RC3H1: variants seen among roughly 807,000 people sequenced by gnomAD.
The protein encoded by RC3H1 is ring finger and CCCH-type domains 1.
Under a neutral mutation model 138.2 loss-of-function variants are expected in RC3H1, and 50 were observed. The observed-to-expected ratio is 0.36, with a 90% CI of 0.29 to 0.46. RC3H1 has a LOEUF of 0.46. RC3H1 is among the 20% of genes least tolerant of loss of function. RC3H1 has a pLI of 1.00. For synonymous variants in RC3H1, 462 were observed against 489.1 expected, an observed-to-expected ratio of 0.94 and a Z score of 0.73; for missense variants, 1,031 against 1,388.1, an observed-to-expected ratio of 0.74 and a Z score of 4.09.
At chr1:173,998,009 C>G (rs1419219070) in intron 1 of RC3H1, among the ~76,000 whole-genome samples, 3 of 151,990 alleles carry the variant, frequency 2.0e-5, no homozygotes, top group African/African-American at 7.3e-5. Context: ...GTATCTAAAC[C>G]ACAAAAGACA....
At chr1:173,948,316 TTC>T (rs1164962794) in intron 14 of RC3H1, among the ~76,000 whole-genome samples, 1 of 152,144 alleles carries the variant, frequency 6.6e-6, no homozygotes, top group Non-Finnish European at 1.5e-5. Flanking sequence ...TTTGTTCCTT[TTC>T]TCTGTTTAGC....
At position 173,941,286 on chromosome 1, in the gene RC3H1, T is replaced by A; in HGVS notation, c.3230A>T (p.Glu1077Val). ...QPEPQNKVPA[E>V]DLTLTFSDVP... The stretch of plus-strand genomic sequence containing the variant: ...TTACCTGAATGTCAATGTAAGGTCC[T>A]CAGCCGGAACCTTGTTTTGTGGTTC... Residue 1077 changes from glutamate to valine, a missense_variant, in exon 19 of 20, where the codon GAG (glutamate) becomes GTG (valine). Transcript: ENST00000367696. The A allele has an allele frequency of 6.2e-7, 1 of 1,612,882 alleles. No individual in the cohort carries two copies. The highest frequency in any genetic ancestry group is 1.1e-5 in the South Asian group (1 of 91,040).
In RC3H1 at chr1:173,970,540, G is replaced by A; in HGVS notation, c.1299C>T (p.Ser433=). 6.2e-7 allele frequency: 1 copy of A among 1,613,748 alleles called. No individual in the cohort carries two copies. The highest frequency in any genetic ancestry group is 8.5e-7 in the Non-Finnish European group (1 of 1,179,782). The change falls in exon 9 of 20, where the codon AGC becomes AGT. Residue 433 remains serine (S), a synonymous_variant. Coordinates refer to ENST00000367696, the MANE Select transcript of RC3H1 (RefSeq NM_172071.4). ...CCTCCTGTGAGTGTGCAAATGTACA[G>A]CTGGCCCCACGAGGGCATCCTCCTC... ...KQRGGCPRGA[S]CTFAHSQEEL... is the part of the protein sequence containing the mutation.
chr1:173,978,947 A>G (rs924574964), intron 6 of RC3H1, among the ~76,000 whole-genome samples: 4 of 152,152 alleles, frequency 2.6e-5, no homozygotes, highest in African/African-American at 9.7e-5. Flanking sequence ...CCATTAATTT[A>G]CTAGAATTAG....
intron 1 of RC3H1, among the ~76,000 whole-genome samples, chr1:173,993,846 C>A (rs569394722): frequency 6.6e-6 from 1 of 150,836 alleles, no homozygotes. Context: ...ATGGTGAAAC[C>A]CCATGTCCAC....
In RC3H1 at chr1:174,017,783, C is replaced by CAAAAAAAAAAAAAAAA. The variant is rs61239660; in HGVS notation, c.-151+4297_-151+4312dup. Among the ~76,000 whole-genome samples the CAAAAAAAAAAAAAAAA allele has an allele frequency of 5.0e-4, 36 of 72,034 alleles. 3 individuals carry two copies. Among genetic ancestry groups the CAAAAAAAAAAAAAAAA allele is most frequent in the African/African-American group, 1.7e-3 (30 of 17,530 alleles). The allele number at this position is 72,034 out of a possible 152,430, so 47.3% of individuals were successfully genotyped here. On this transcript the variant is annotated intron_variant, in intron 1 of 19. Coordinates refer to ENST00000367696, the MANE Select transcript of RC3H1 (RefSeq NM_172071.4). ...ACCCCTTTAGAACTCTTTTCTTGCT[C>CAAAAAAAAAAAAAAAA]AAAAAAAAAAAAAAAAAAAAAAAAA... is the stretch of plus-strand genomic sequence containing the variant.
intron 19 of RC3H1, among the ~76,000 whole-genome samples, chr1:173,940,483 T>G (rs571325328): frequency 3.3e-5 from 5 of 152,024 alleles, no homozygotes; most frequent in Admixed American, 1.3e-4. Flanking sequence ...AAAAAAAAAC[T>G]GGAAAGATAA....
chr1:173,968,838 T>C (rs1042641782), intron 9 of RC3H1, among the ~76,000 whole-genome samples: 1 of 151,646 alleles, frequency 6.6e-6, no homozygotes, highest in African/African-American at 2.4e-5. Context: ...GGCATTTCTG[T>C]TGTATTAAGG....
At chr1:174,011,790 T>C (rs968155799) in intron 1 of RC3H1, among the ~76,000 whole-genome samples, 1 of 152,164 alleles carries the variant, frequency 6.6e-6, no homozygotes, top group Non-Finnish European at 1.5e-5. Flanking sequence ...GATCAAAGTG[T>C]AGTTTGAATA....
At chr1:173,971,927 T>C (rs535674867) in intron 8 of RC3H1, among the ~76,000 whole-genome samples, 31 of 152,114 alleles carry the variant, frequency 2.0e-4, no homozygotes, top group Non-Finnish European at 4.0e-4. Context: ...ATATAAATCC[T>C]GAGAGCAAAA....
intron 7 of RC3H1, among the ~76,000 whole-genome samples, chr1:173,977,635 TC>T (rs1437167547): frequency 1.3e-5 from 2 of 151,880 alleles, no homozygotes; most frequent in African/African-American, 4.8e-5. Context: ...TATTTGGGAG[TC>T]TGTATTCTAC....
Position 174,021,375 on chromosome 1 carries a change from A to T in RC3H1, c.-151+721T>A, listed in dbSNP as rs139030645. On this transcript the variant is annotated intron_variant, in intron 1 of 19. Transcript: ENST00000367696. ...ATCCACTCTCACCTGGGATGCGGGC[A>T]TAACTGATGTTTATAGAACTGATAC... Among the ~76,000 whole-genome samples, 5 of 152,350 alleles carry T rather than the reference A, an allele frequency of 3.3e-5. No homozygotes were observed. In the East Asian group the frequency reaches 9.6e-4, roughly 29 times the overall value.
intron 1 of RC3H1, among the ~76,000 whole-genome samples, chr1:174,009,648 G>T (rs575161856): frequency 6.6e-5 from 10 of 152,088 alleles, no homozygotes; most frequent in Admixed American, 6.6e-5. Flanking sequence ...AGACCAGCCC[G>T]GCCAACATGG....
chr1:173,986,383 G>A (rs1195428522), intron 2 of RC3H1, among the ~76,000 whole-genome samples: 2 of 149,424 alleles, frequency 1.3e-5, no homozygotes, highest in Admixed American at 6.6e-5. Flanking sequence ...AAAGAGTCTC[G>A]CTCTGTCACT....
At chr1:173,999,603 T>C (rs1661527714) in intron 1 of RC3H1, among the ~76,000 whole-genome samples, 2 of 152,230 alleles carry the variant, frequency 1.3e-5, no homozygotes, top group Non-Finnish European at 2.9e-5. Context: ...AATGAGCAAC[T>C]ACAGACAAAA....
At chr1:173,984,838 C>T (rs1008777188) in intron 2 of RC3H1, among the ~76,000 whole-genome samples, 9 of 152,158 alleles carry the variant, frequency 5.9e-5, no homozygotes, top group African/African-American at 2.2e-4. Flanking sequence ...TACCATACAA[C>T]TGACTGGTTT....
Position 173,932,526 on chromosome 1 carries a change from ATTAATTTTTT to A in RC3H1, c.*6185_*6194del, listed in dbSNP as rs1658422524. 6.6e-6 allele frequency: 1 copy of A among 152,282 alleles called. No homozygotes were observed. The highest frequency in any genetic ancestry group is 6.5e-5 in the Admixed American group (1 of 15,286). The allele number at this position is 152,282 out of a possible 1,614,324, so 9.4% of individuals were successfully genotyped here. A position where few individuals can be genotyped will look rare whatever the true frequency, so the allele number is the denominator to read the frequency against. On this transcript the variant is annotated 3_prime_UTR_variant, in exon 20 of 20. Transcript: ENST00000367696. ...GAAAGATAATGAGACCTGTGGACTA[ATTAATTTTTT>A]TAAAAAAGTTCCTTTTATTCCCAGG...
chr1:173,947,624 C>A lies in RC3H1; in HGVS notation c.2524-42G>T, dbSNP rs377331689. On this transcript the variant is annotated intron_variant, in intron 14 of 19. Coordinates refer to ENST00000367696, the MANE Select transcript of RC3H1 (RefSeq NM_172071.4). Reference sequence around the variant, plus strand: ...ATGAGAAATTACCCCACACTCAGATCGCTCTGTAACCTAATTTTTTCTAGA... The same window carrying A: ...ATGAGAAATTACCCCACACTCAGATAGCTCTGTAACCTAATTTTTTCTAGA... The A allele has an allele frequency of 8.4e-5, 125 of 1,483,286 alleles. No individual in the cohort carries two copies. In the African/African-American group the frequency reaches 1.5e-3, roughly 18 times the overall value. 91.9% of individuals were successfully genotyped at this position (1,483,286 alleles called of 1,614,324 possible). A position where few individuals can be genotyped will look rare whatever the true frequency, so the allele number is the denominator to read the frequency against.
At chr1:174,017,660 A>G (rs1433900936) in intron 1 of RC3H1, among the ~76,000 whole-genome samples, 2 of 152,030 alleles carry the variant, frequency 1.3e-5, no homozygotes, top group South Asian at 2.1e-4. Flanking sequence ...AACATTGTGA[A>G]TGTATAAAGT....
Sources: gnomAD v4.1 joint callset for allele counts (sites outside exome capture counted in the v4.1 genomes callset) on GRCh38, gnomAD v4.1.1 for gene constraint, MANE v1.5 for transcripts, NCBI Gene and HGNC (gene_info 2026-07-23, HGNC 2026-07-21) for gene names.